The following DIAPH2 variants were observed in gnomAD, a reference collection of about 807,000 sequenced individuals.
DIAPH2 encodes the protein diaphanous related formin 2.
A neutral mutation model predicts 92.7 loss-of-function variants in DIAPH2; 35 were observed. The ratio of observed to expected loss-of-function variants is 0.38; its 90% confidence interval spans 0.29 to 0.50. DIAPH2 has a LOEUF of 0.50. DIAPH2 is among the 20% of genes least tolerant of loss of function. The pLI, the probability that DIAPH2 is intolerant of heterozygous loss-of-function variation, is 0.94. For synonymous variants in DIAPH2, 301 were observed against 280.4 expected (o/e 1.07, Z -0.73); for missense variants, 701 against 819.5 (o/e 0.86, Z 1.77).
chrX:97,035,934 C>T (rs924896271), intron 17 of DIAPH2, among the ~76,000 whole-genome samples: 1 of 107,689 alleles, frequency 9.3e-6, no homozygotes, highest in Admixed American at 1.0e-4. Flanking sequence ...CCCTGAGACC[C>T]TGTCTCCAAA....
At chrX:97,154,950 A>C (rs2067311403) in intron 22 of DIAPH2, among the ~76,000 whole-genome samples, 1 of 112,374 alleles carries the variant, frequency 8.9e-6, no homozygotes, top group East Asian at 2.8e-4. Context: ...TTAAATGGGA[A>C]AATGGCACAT....
chrX:97,235,666 G>A (rs1222724256), intron 22 of DIAPH2, among the ~76,000 whole-genome samples: 3 of 108,246 alleles, frequency 2.8e-5, no homozygotes, highest in African/African-American at 3.4e-5. Flanking sequence ...GTCTTTCAGC[G>A]CTTTCTCACT....
intron 21 of DIAPH2, among the ~76,000 whole-genome samples, chrX:97,131,703 T>C (rs912662947): frequency 3.5e-5 from 4 of 112,863 alleles, no homozygotes; most frequent in African/African-American, 1.3e-4. Flanking sequence ...TTCATACTTG[T>C]AAACTATTTC....
intron 17 of DIAPH2, among the ~76,000 whole-genome samples, chrX:97,039,164 T>C (rs2066431649): frequency 9.0e-6 from 1 of 111,640 alleles, no homozygotes; most frequent in Non-Finnish European, 1.9e-5. Flanking sequence ...TATATTTATT[T>C]GCTTACTCAT....
At chrX:97,022,175 C>T in intron 17 of DIAPH2, among the ~76,000 whole-genome samples, 1 of 111,965 alleles carries the variant, frequency 8.9e-6, no homozygotes, top group Non-Finnish European at 1.9e-5. Flanking sequence ...TTCTCTGAAC[C>T]TTTTTCCTTC....
At position 96,930,694 on chromosome X, in the gene DIAPH2, A is replaced by G. The variant is rs772906031; in HGVS notation, c.979-39A>G. ...CTTAATGCATTATTTCATTAATTTA[A>G]TGTGTTTTTTTAAAACAAAATTTGC... On this transcript the variant is annotated intron_variant, in intron 9 of 26. Coordinates refer to ENST00000324765, the MANE Select transcript of DIAPH2 (RefSeq NM_006729.5). 7.0e-6 allele frequency: 7 copies of G among 1,004,961 alleles called. No individual in the cohort carries two copies. In the Middle Eastern group the frequency reaches 7.7e-4, roughly 111 times the overall value. 82.8% of individuals were successfully genotyped at this position (1,004,961 alleles called of 1,213,427 possible). A position where few individuals can be genotyped will look rare whatever the true frequency, so the allele number is the denominator to read the frequency against.
rs2070424237 is a variant in DIAPH2, at chrX:97,458,123, C to G, written c.3241+28378C>G. Among the ~76,000 whole-genome samples, 3 of 111,022 alleles carry G rather than the reference C, an allele frequency of 2.7e-5. No homozygotes were observed. In the Admixed American group the frequency reaches 2.9e-4, roughly 11 times the overall value. Reference sequence around the variant, plus strand: ...CTTCTGTCATATTCTGCCAATCACACAAACCAACCCAGAAACAATGTGGGA... The same window carrying G: ...CTTCTGTCATATTCTGCCAATCACAGAAACCAACCCAGAAACAATGTGGGA... On this transcript the variant is annotated intron_variant, in intron 26 of 26. Transcript: ENST00000324765.
chrX:97,202,673 A>C (rs1452174020), intron 22 of DIAPH2, among the ~76,000 whole-genome samples: 2 of 111,496 alleles, frequency 1.8e-5, no homozygotes, highest in Non-Finnish European at 3.8e-5. Flanking sequence ...GAGCAACCGG[A>C]CTCATCAAAC....
intron 17 of DIAPH2, among the ~76,000 whole-genome samples, chrX:97,006,703 C>T (rs1346350141): frequency 8.9e-6 from 1 of 111,879 alleles, no homozygotes; most frequent in African/African-American, 3.2e-5. Flanking sequence ...AAAGCAAGAG[C>T]TTTTTTTAAA....
intron 23 of DIAPH2, among the ~76,000 whole-genome samples, chrX:97,339,399 C>G (rs761805740): frequency 9.1e-6 from 1 of 110,475 alleles, no homozygotes; most frequent in South Asian, 3.9e-4. Context: ...CCTGTAATCC[C>G]GGCTACATGG....
intron 4 of DIAPH2, among the ~76,000 whole-genome samples, chrX:96,860,654 A>G (rs1198204375): frequency 9.0e-6 from 1 of 111,725 alleles, no homozygotes; most frequent in Non-Finnish European, 1.9e-5. Context: ...AGGATTGTTT[A>G]TACTAATGGA....
intron 1 of DIAPH2, among the ~76,000 whole-genome samples, chrX:96,687,311 C>T (rs1420207879): frequency 8.9e-6 from 1 of 112,033 alleles, no homozygotes; most frequent in African/African-American, 3.2e-5. Context: ...TTAAAATTTC[C>T]GCTACAGAGG....
At chrX:97,206,674 A>G (rs191384729) in intron 22 of DIAPH2, among the ~76,000 whole-genome samples, 13 of 112,272 alleles carry the variant, frequency 1.2e-4, no homozygotes, top group African/African-American at 3.9e-4. Flanking sequence ...ATAATTAAAC[A>G]TTCATTTAGC....
intron 25 of DIAPH2, among the ~76,000 whole-genome samples, chrX:97,394,947 G>A (rs933655816): frequency 2.9e-4 from 32 of 111,235 alleles, no homozygotes; most frequent in Non-Finnish European, 5.8e-4. Flanking sequence ...CTCCCTACAT[G>A]GTGTATCCTT....
rs185999858 is a variant in DIAPH2, at chrX:97,095,585, C to T, written c.2248-4109C>T. Among the ~76,000 whole-genome samples, 608 of 109,597 alleles carry T rather than the reference C, an allele frequency of 5.5e-3. 19 individuals carry two copies. Among genetic ancestry groups the T allele is most frequent in the Admixed American group, 0.052 (526 of 10,152 alleles). ...ATAGTCTTAATCAAAATGAACCTAA[C>T]GCAGTTCTTCTACTAGTAAAGTGAC... On this transcript the variant is annotated intron_variant, in intron 19 of 26. Transcript: ENST00000324765.
At chrX:97,158,419 A>T in intron 22 of DIAPH2, among the ~76,000 whole-genome samples, 1 of 110,383 alleles carries the variant, frequency 9.1e-6, no homozygotes, top group East Asian at 2.8e-4. Context: ...CAGCATTTCT[A>T]TCACTCCTCG....
chrX:97,304,520 A>T (rs1221830565), intron 23 of DIAPH2, among the ~76,000 whole-genome samples: 1 of 112,291 alleles, frequency 8.9e-6, no homozygotes, highest in African/African-American at 3.2e-5. Context: ...GGATAGATAT[A>T]TTGCTAGAAA....
At chrX:96,881,161 A>G (rs1256565834) in intron 4 of DIAPH2, among the ~76,000 whole-genome samples, 1 of 111,608 alleles carries the variant, frequency 9.0e-6, no homozygotes, top group Non-Finnish European at 1.9e-5. Context: ...GTATAATGGT[A>G]TATATTAAAT....
Position 97,129,321 on chromosome X carries a change from C to T in DIAPH2, c.2590-12344C>T, listed in dbSNP as rs7063684. Among the ~76,000 whole-genome samples, 361 of 108,050 alleles carry T rather than the reference C, an allele frequency of 3.3e-3. 1 individual carries two copies. Among genetic ancestry groups the T allele is most frequent in the African/African-American group, 0.012 (349 of 29,355 alleles). The allele number at this position is 108,050 out of a possible 115,157, so 93.8% of individuals were successfully genotyped here. On this transcript the variant is annotated intron_variant, in intron 21 of 26. Coordinates refer to ENST00000324765, the MANE Select transcript of DIAPH2 (RefSeq NM_006729.5). ...AGCTGAGACTACAGGTGCACACCAC[C>T]GTGCCCAGCTAATTTTTGTATTTTT...
Sources: allele counts gnomAD v4.1 joint callset (sites outside exome capture counted in the v4.1 genomes callset), GRCh38; gene constraint gnomAD v4.1.1; transcripts MANE v1.5; gene names NCBI Gene and HGNC (gene_info 2026-07-23, HGNC 2026-07-21).